NBPF10: variants seen among roughly 807,000 people sequenced by gnomAD.
NBPF10 encodes NBPF family member NBPF10.
A neutral mutation model predicts 77.9 loss-of-function variants in NBPF10; 63 were observed. That is an observed-to-expected ratio of 0.81 (90% CI 0.66 to 1.00). NBPF10 has a LOEUF of 1.00. Among genes scored for constraint, NBPF10 ranks in the 50% least tolerant of loss-of-function variants. The probability of loss-of-function intolerance (pLI) is 0.00; values close to 1 mark genes in which losing one functional copy is unlikely to be tolerated. For synonymous variants in NBPF10, 146 were observed against 264.5 expected, an observed-to-expected ratio of 0.55 and a Z score of 4.35; for missense variants, 522 against 679.8, an observed-to-expected ratio of 0.77 and a Z score of 2.58.
At chr1:146,125,927 C>T (rs587693189) in intron 14 of NBPF10, among the ~76,000 whole-genome samples, 1 of 151,550 alleles carries the variant, frequency 6.6e-6, no homozygotes, top group African/African-American at 2.4e-5. Flanking sequence ...ATGAAATCTA[C>T]AAGATCTACA....
At chr1:146,123,893 AC>A in intron 17 of NBPF10, 33 bp downstream of exon 17, 1 of 344,236 alleles carries the variant, frequency 2.9e-6, no homozygotes, top group South Asian at 2.3e-5. Context: ...CCAGATGTCA[AC>A]ACAGAAGTAG....
At position 146,066,744 on chromosome 1, in the gene NBPF10, T is replaced by C. The variant is rs1404997438; in HGVS notation, c.11145-183A>G. Among the ~76,000 whole-genome samples, 6 of 149,536 alleles carry C rather than the reference T, an allele frequency of 4.0e-5. No individual in the cohort carries two copies. In the South Asian group the frequency reaches 6.4e-4, roughly 16 times the overall value. ...TAGAACAGGGCCAGGTAGAAAACAA[T>C]GAAAGAGAAAGACAGAGAGAGAGAG... On this transcript the variant is annotated intron_variant, in intron 89 of 89. Transcript: ENST00000583866.
intron 11 of NBPF10, among the ~76,000 whole-genome samples, chr1:146,130,014 T>G (rs1488144523): frequency 1.6e-5 from 1 of 63,670 alleles, no homozygotes; most frequent in African/African-American, 7.4e-5. Flanking sequence ...AACTCATCAT[T>G]TAACATTAGG....
In NBPF10 at chr1:146,069,528, T is replaced by C. The variant is rs781788702; in HGVS notation, c.10810+15A>G. On this transcript the variant is annotated intron_variant, in intron 86 of 89. Coordinates refer to ENST00000583866, the Ensembl canonical transcript of NBPF10. ...ACTCAGTGGATCCTTATCACCTTCATAGAAAGGTACTCACCATCCATGTCA... is the reference window on the plus strand; with the variant it reads ...ACTCAGTGGATCCTTATCACCTTCACAGAAAGGTACTCACCATCCATGTCA... The C allele has an allele frequency of 6.5e-5, 58 of 887,248 alleles. 4 individuals carry two copies. Among genetic ancestry groups the C allele is most frequent in the Non-Finnish European group, 8.6e-5 (49 of 573,014 alleles). 55.0% of individuals were successfully genotyped at this position (887,248 alleles called of 1,614,324 possible).
At chr1:146,067,912 C>G in intron 88 of NBPF10, 91 bp downstream of exon 88, 1 of 707,172 alleles carries the variant, frequency 1.4e-6, no homozygotes, top group South Asian at 1.5e-5. Flanking sequence ...AATGACGTCT[C>G]TCGGGTCAGC....
At chr1:146,126,262 C>A (rs3930826) in exon 14 of NBPF10, 1 of 1,608,350 alleles carries the variant, frequency 6.2e-7, no homozygotes, top group Non-Finnish European at 8.5e-7. Flanking sequence ...CAAGCCAACA[C>A]GCTGTTGCTC....
intron 89 of NBPF10, among the ~76,000 whole-genome samples, chr1:146,066,868 A>T (rs1553777699): frequency 2.7e-5 from 4 of 150,932 alleles, no homozygotes; most frequent in Non-Finnish European, 3.0e-5. Flanking sequence ...TAGTGCCCTC[A>T]TGACACACAG....
intron 13 of NBPF10, 131 bp from the exon 14 acceptor site, chr1:146,126,539 A>T (rs1553790066): frequency 1.1e-5 from 8 of 711,412 alleles, no homozygotes; most frequent in South Asian, 1.0e-4. Flanking sequence ...GAGGTAACAA[A>T]TTATTGCCTT....
intron 5 of NBPF10, among the ~76,000 whole-genome samples, chr1:146,139,141 C>A (rs1400026572): frequency 1.5e-5 from 2 of 130,602 alleles, no homozygotes; most frequent in African/African-American, 5.6e-5. Flanking sequence ...GCTCTGTCTC[C>A]CAGGCTGGAG....
intron 67 of NBPF10, among the ~76,000 whole-genome samples, 152 bp from the exon 68 acceptor site, chr1:146,084,061 C>G (rs77200229): frequency 6.7e-6 from 1 of 148,736 alleles, no homozygotes; most frequent in East Asian, 2.0e-4. Context: ...TATGTTGGGA[C>G]AGAACAGGGC....
chr1:146,135,908 T>A (rs587756939), intron 7 of NBPF10, among the ~76,000 whole-genome samples: 1 of 144,428 alleles, frequency 6.9e-6, no homozygotes, highest in African/African-American at 2.6e-5. Context: ...TGAGGCCAGG[T>A]GCAGATGGGG....
At chr1:146,138,938 A>C (rs1216753402) in intron 5 of NBPF10, among the ~76,000 whole-genome samples, 77 of 127,516 alleles carry the variant, frequency 6.0e-4, no homozygotes, top group Admixed American at 1.0e-3. Flanking sequence ...GCGCCAAGTA[A>C]CATGCCAGCT....
rs781811345 is a variant in NBPF10 at position 146,125,553 on chromosome 1, T to A, written c.2027-37A>T. The A allele has an allele frequency of 6.0e-6, 4 of 670,898 alleles. No individual in the cohort carries two copies. The East Asian group carries it at 1.0e-4, about 18-fold the overall frequency. 41.6% of individuals were successfully genotyped at this position (670,898 alleles called of 1,614,324 possible). On this transcript the variant is annotated intron_variant, in intron 14 of 89. Coordinates refer to ENST00000583866, the Ensembl canonical transcript of NBPF10. The stretch of plus-strand genomic sequence containing the variant: ...TCAGACATGGACAGACATATTAAGC[T>A]CGTTCTCCTACACACATAACAATCC...
intron 88 of NBPF10, among the ~76,000 whole-genome samples, chr1:146,067,799 C>A (rs1288801956): frequency 2.6e-5 from 4 of 151,776 alleles, no homozygotes; most frequent in African/African-American, 4.8e-5. Context: ...TGGCCTGAGA[C>A]TAGGAAGAGA....
At chr1:146,069,562 G>A in exon 86 of NBPF10, 2 of 1,119,208 alleles carry the variant, frequency 1.8e-6, no homozygotes, top group Non-Finnish European at 2.5e-6. Flanking sequence ...CAACAGCCAA[G>A]CCAACACGCT....
chr1:146,125,890 T>G (rs1168850279), intron 14 of NBPF10, among the ~76,000 whole-genome samples: 1 of 151,344 alleles, frequency 6.6e-6, no homozygotes, highest in South Asian at 2.1e-4. Flanking sequence ...GTAGCGAGGA[T>G]TTTAGACGCT....
In NBPF10 at chr1:146,142,207, C is replaced by G. The variant is rs1354820623; in HGVS notation, c.279-389G>C. 2.7e-5 allele frequency among the ~76,000 whole-genome samples: 3 copies of G among 112,882 alleles called. 1 individual carries two copies. Among genetic ancestry groups the G allele is most frequent in the African/African-American group, 8.8e-5 (3 of 34,100 alleles). 74.1% of individuals were successfully genotyped at this position (112,882 alleles called of 152,430 possible). On this transcript the variant is annotated intron_variant, in intron 2 of 89. Coordinates refer to ENST00000583866, the Ensembl canonical transcript of NBPF10. ...CCACGTACAGAAATGAGGCCAGGTGCAGATGGGGCGAATTGAAAAGATGAA... is the reference window on the plus strand; with the variant it reads ...CCACGTACAGAAATGAGGCCAGGTGGAGATGGGGCGAATTGAAAAGATGAA...
chr1:146,067,896 T>G (rs1422836652), intron 88 of NBPF10, 107 bp downstream of exon 88: 2 of 700,518 alleles, frequency 2.9e-6, no homozygotes, highest in East Asian at 2.7e-5. Flanking sequence ...AGGTCCTGCC[T>G]GCGGCAATGA....
chr1:146,069,498 A>G (rs1655579539), intron 86 of NBPF10, 45 bp downstream of exon 86: 2 of 798,682 alleles, frequency 2.5e-6, no homozygotes, highest in Non-Finnish European at 4.0e-6. Context: ...GACCCTAACC[A>G]GAAGACTCAG....
Sources: allele counts gnomAD v4.1 joint callset (sites outside exome capture counted in the v4.1 genomes callset), GRCh38; gene constraint gnomAD v4.1.1; transcripts MANE v1.5; gene names NCBI Gene and HGNC (gene_info 2026-07-23, HGNC 2026-07-21).